Variants in GPC5 observed in about 807,000 individuals in gnomAD.
GPC5 encodes glypican 5.
Under a neutral mutation model 53.9 loss-of-function variants are expected in GPC5, and 47 were observed. The observed-to-expected ratio is 0.87, with a 90% CI of 0.69 to 1.11. The LOEUF is 1.11. Ranked by LOEUF, GPC5 falls within the 50% of genes most tolerant of loss-of-function variation. GPC5 has a pLI of 0.00. For missense variants in GPC5, 748 were observed against 713.1 expected (o/e 1.05, Z -0.56); for synonymous variants, 286 against 263.3 (o/e 1.09, Z -0.84).
chr13:92,334,151 C>T lies in GPC5; in HGVS notation c.1561+189162C>T, dbSNP rs560413812. 1.1e-4 allele frequency among the ~76,000 whole-genome samples: 17 copies of T among 152,220 alleles called. No homozygotes were observed. The East Asian group carries it at 2.7e-3, about 24-fold the overall frequency. The stretch of plus-strand genomic sequence containing the variant: ...TACTGCTATGAAGAAATACCCAAGA[C>T]TGAGTAATTTATAAGGAAAAAGAGG... On this transcript the variant is annotated intron_variant, in intron 7 of 7. Coordinates refer to ENST00000377067, the MANE Select transcript of GPC5 (RefSeq NM_004466.6).
chr13:91,993,809 C>T (rs2040479495), intron 6 of GPC5, among the ~76,000 whole-genome samples: 1 of 152,100 alleles, frequency 6.6e-6, no homozygotes, highest in South Asian at 2.1e-4. Context: ...AGTTGTAGTG[C>T]AGAACTTCAG....
intron 7 of GPC5, among the ~76,000 whole-genome samples, chr13:92,378,349 A>G (rs1405863853): frequency 6.6e-6 from 1 of 152,188 alleles, no homozygotes; most frequent in Non-Finnish European, 1.5e-5. Flanking sequence ...TACAAAATCC[A>G]TGGGTGTTCA....
chr13:92,582,585 T>C (rs1372427403), intron 7 of GPC5, among the ~76,000 whole-genome samples: 1 of 152,134 alleles, frequency 6.6e-6, no homozygotes, highest in Non-Finnish European at 1.5e-5. Context: ...TAGATTGTTT[T>C]GGGTGGCATA....
At chr13:92,407,541 T>G (rs929678408) in intron 7 of GPC5, among the ~76,000 whole-genome samples, 4 of 152,190 alleles carry the variant, frequency 2.6e-5, no homozygotes, top group Non-Finnish European at 4.4e-5. Context: ...GCTGAGTTTA[T>G]TCTCTTAATA....
intron 6 of GPC5, among the ~76,000 whole-genome samples, chr13:92,077,458 G>A (rs2041261237): frequency 6.6e-6 from 1 of 152,176 alleles, no homozygotes; most frequent in Non-Finnish European, 1.5e-5. Flanking sequence ...AACAGGGGAT[G>A]CTTTGGAATG....
intron 7 of GPC5, among the ~76,000 whole-genome samples, chr13:92,494,976 A>T (rs1244534493): frequency 1.3e-5 from 2 of 152,068 alleles, no homozygotes; most frequent in Admixed American, 1.3e-4. Context: ...TTCTGCCTTC[A>T]CTATTCCTTC....
At chr13:92,601,554 C>CAACCAA (rs1884056146) in intron 7 of GPC5, among the ~76,000 whole-genome samples, 1 of 67,402 alleles carries the variant, frequency 1.5e-5, no homozygotes, top group Non-Finnish European at 3.2e-5. Context: ...GACTCCATCT[C>CAACCAA]AAAAAAAAAA....
At chr13:92,472,806 T>A (rs1594231320) in intron 7 of GPC5, among the ~76,000 whole-genome samples, 2 of 152,080 alleles carry the variant, frequency 1.3e-5, no homozygotes, top group East Asian at 3.9e-4. Flanking sequence ...GGTTCCCAGA[T>A]TTGCTAATGA....
intron 7 of GPC5, among the ~76,000 whole-genome samples, chr13:92,731,545 G>C (rs1566389794): frequency 6.6e-6 from 1 of 151,334 alleles, no homozygotes; most frequent in Non-Finnish European, 1.5e-5. Flanking sequence ...CATTCCTTGA[G>C]GGCTTGAGTG....
chr13:92,075,090 C>T (rs1309381775), intron 6 of GPC5, among the ~76,000 whole-genome samples: 1 of 152,158 alleles, frequency 6.6e-6, no homozygotes, highest in Non-Finnish European at 1.5e-5. Flanking sequence ...TGTATATCCA[C>T]AGAATGCTTG....
chr13:92,553,049 A>G (rs1050042309), intron 7 of GPC5, among the ~76,000 whole-genome samples: 6 of 151,980 alleles, frequency 3.9e-5, no homozygotes, highest in African/African-American at 1.2e-4. Flanking sequence ...TAGAATAGGT[A>G]TCTACATACC....
At chr13:91,500,801 C>T (rs571899321) in intron 2 of GPC5, among the ~76,000 whole-genome samples, 1 of 152,152 alleles carries the variant, frequency 6.6e-6, no homozygotes, top group Non-Finnish European at 1.5e-5. Flanking sequence ...TGAACTGTAG[C>T]TCCCATAATT....
intron 5 of GPC5, among the ~76,000 whole-genome samples, chr13:91,813,078 C>T (rs983457728): frequency 2.8e-4 from 43 of 152,298 alleles, no homozygotes; most frequent in Admixed American, 3.3e-4. Flanking sequence ...ACATTTCCAT[C>T]TTTAAGCTGG....
chr13:92,572,027 CCT>C (rs1883041268), intron 7 of GPC5, among the ~76,000 whole-genome samples: 1 of 151,632 alleles, frequency 6.6e-6, no homozygotes, highest in South Asian at 2.1e-4. Flanking sequence ...AGAATGAGCC[CCT>C]GTCTGGAAAA....
In GPC5 at chr13:91,520,706, ATG is replaced by A. The variant is rs376042025; in HGVS notation, c.325+71796_325+71797del. 8.0e-3 allele frequency among the ~76,000 whole-genome samples: 1,207 copies of A among 150,684 alleles called. 15 individuals carry two copies. Among genetic ancestry groups the A allele is most frequent in the African/African-American group, 0.025 (1,010 of 40,584 alleles). Reference sequence around the variant, plus strand: ...TATATGTGTGTATATATGTATATATATGTGTGTGTGTGTATGTGTGTGTGTGT... The same window carrying A: ...TATATGTGTGTATATATGTATATATATGTGTGTGTGTATGTGTGTGTGTGT... On this transcript the variant is annotated intron_variant, in intron 2 of 7. Coordinates refer to ENST00000377067, the MANE Select transcript of GPC5 (RefSeq NM_004466.6).
At chr13:91,520,674 GTGTATATATATGTGTGTATATA>G (rs1164203392) in intron 2 of GPC5, among the ~76,000 whole-genome samples, 1 of 151,912 alleles carries the variant, frequency 6.6e-6, no homozygotes, top group African/African-American at 2.4e-5. Context: ...GTATATATGT[GTGTATATATATGTGTGTATATA>G]TGTATATATA....
intron 7 of GPC5, among the ~76,000 whole-genome samples, chr13:92,201,585 T>C (rs1265284863): frequency 6.6e-6 from 1 of 152,204 alleles, no homozygotes; most frequent in Non-Finnish European, 1.5e-5. Context: ...CATTTTTTTT[T>C]CTTTTGGAAC....
chr13:92,065,574 G>A (rs981506984), intron 6 of GPC5, among the ~76,000 whole-genome samples: 3 of 152,196 alleles, frequency 2.0e-5, no homozygotes, highest in African/African-American at 7.2e-5. Flanking sequence ...AACTTCATAT[G>A]TTCTTATCAT....
chr13:91,468,104 T>C (rs1882363019), intron 2 of GPC5, among the ~76,000 whole-genome samples: 1 of 152,182 alleles, frequency 6.6e-6, no homozygotes, highest in Admixed American at 6.5e-5. Flanking sequence ...GGAAAGATGG[T>C]CCTGGTCCCA....
Sources: allele counts gnomAD v4.1 joint callset (sites outside exome capture counted in the v4.1 genomes callset), GRCh38; gene constraint gnomAD v4.1.1; transcripts MANE v1.5; gene names NCBI Gene and HGNC (gene_info 2026-07-23, HGNC 2026-07-21).